The following TMEM181 variants were observed in gnomAD, a reference collection of about 807,000 sequenced individuals.
The protein encoded by TMEM181 is G protein-coupled receptor 178.
TMEM181 carries 39 observed loss-of-function variants against 71.9 expected under a neutral mutation model. The ratio of observed to expected loss-of-function variants is 0.54; its 90% CI spans 0.42 to 0.71. TMEM181 has a LOEUF of 0.71. Ranked by LOEUF, TMEM181 falls within the 30% of genes least tolerant of loss-of-function variation. The pLI is 0.00. For missense variants in TMEM181, 595 were observed against 583.0 expected (o/e 1.02, Z -0.21); for synonymous variants, 245 against 228.8 (o/e 1.07, Z -0.64).
chr6:158,605,138 G>A (rs1291268396), intron 6 of TMEM181, 129 bp from the exon 7 acceptor site: 3 of 414,664 alleles, frequency 7.2e-6, no homozygotes, highest in Non-Finnish European at 8.6e-6. Context: ...AAAAGTGTGT[G>A]TGTGTGTGTG....
At chr6:158,625,430 T>G (rs1352805715) in intron 12 of TMEM181, among the ~76,000 whole-genome samples, 1 of 152,162 alleles carries the variant, frequency 6.6e-6, no homozygotes, top group South Asian at 2.1e-4. Flanking sequence ...CCTGCGGGAC[T>G]GTACCCTGCA....
intron 1 of TMEM181, among the ~76,000 whole-genome samples, chr6:158,569,613 T>A (rs1258577819): frequency 2.0e-5 from 3 of 150,490 alleles, no homozygotes; most frequent in East Asian, 2.0e-4. Flanking sequence ...TTTTTTTTTT[T>A]AAATTGAGAC....
In TMEM181 at chr6:158,625,748, T is replaced by G. The variant is rs1786238774; in HGVS notation, c.1103T>G (p.Val368Gly). The G allele has an allele frequency of 3.1e-6, 5 of 1,610,286 alleles. No individual in the cohort carries two copies. In the African/African-American group the frequency reaches 5.4e-5, roughly 17 times the overall value. The change falls in exon 13 of 17, where the codon GTC becomes GGC. Residue 368 changes from valine (V) to glycine (G), a missense_variant. Coordinates refer to ENST00000684151, the MANE Select transcript of TMEM181 (RefSeq NM_001376852.1). ...ACTGCATTGACTTTCGTAGTACTTG[T>G]CATTAGGTAAGAAGACCTTATTTCT... Reference protein sequence around the residue: ...FLTALTFVVLVISIAILYLRF... With the variant: ...FLTALTFVVLGISIAILYLRF...
chr6:158,622,134 C>G (rs2128326803), intron 10 of TMEM181, among the ~76,000 whole-genome samples: 1 of 152,342 alleles, frequency 6.6e-6, no homozygotes, highest in Non-Finnish European at 1.5e-5. Flanking sequence ...CCACTCTGAC[C>G]TCCCCAGCGC....
At chr6:158,618,859 G>A (rs917849514) in intron 10 of TMEM181, among the ~76,000 whole-genome samples, 1 of 152,328 alleles carries the variant, frequency 6.6e-6, no homozygotes, top group African/African-American at 2.4e-5. Flanking sequence ...TGAGAGATCA[G>A]CTATTATTCT....
At chr6:158,557,236 T>A (rs999966954), upstream of TMEM181, among the ~76,000 whole-genome samples, 2 of 152,110 alleles carry the variant, frequency 1.3e-5, no homozygotes, top group Non-Finnish European at 2.9e-5. Flanking sequence ...TAGCTGGTTG[T>A]GTTAGTGCAC....
upstream of TMEM181, among the ~76,000 whole-genome samples, chr6:158,556,968 G>A (rs1461925464): frequency 6.6e-6 from 1 of 152,092 alleles, no homozygotes; most frequent in South Asian, 2.1e-4. Flanking sequence ...TCAAACTCCT[G>A]AGCTCAAGTG....
chr6:158,608,012 C>T (rs761946012), intron 8 of TMEM181, among the ~76,000 whole-genome samples: 1 of 152,244 alleles, frequency 6.6e-6, no homozygotes, highest in African/African-American at 2.4e-5. Context: ...TGGCATACGG[C>T]GCTCTGTCGT....
intron 6 of TMEM181, among the ~76,000 whole-genome samples, chr6:158,591,019 C>T (rs1165079666): frequency 2.6e-5 from 4 of 152,184 alleles, no homozygotes; most frequent in Non-Finnish European, 4.4e-5. Context: ...TCCAGGTTGT[C>T]GCGGGATCAG....
At position 158,607,296 on chromosome 6, in the gene TMEM181, A is replaced by C. The variant is rs777672830; in HGVS notation, c.626A>C (p.Glu209Ala). ...TTTTCCATGAGAGACTGGGGCATCG[A>C]GCAGAAGTGGATGTCTGTTCTCCTG... ...RKFSMRDWGI[E>A]QKWMSVLLPL... The change falls in exon 8 of 17, where the codon GAG (glutamate) becomes GCG (alanine). Residue 209 changes from glutamate to alanine, a missense_variant. Coordinates refer to ENST00000684151, the MANE Select transcript of TMEM181 (RefSeq NM_001376852.1). 6.2e-7 allele frequency: 1 copy of C among 1,614,184 alleles called. No homozygotes were observed. The highest frequency in any genetic ancestry group is 2.2e-5 in the East Asian group (1 of 44,884).
At chr6:158,584,229 C>T (rs1025382172) in intron 4 of TMEM181, among the ~76,000 whole-genome samples, 185 bp downstream of exon 4, 3 of 152,194 alleles carry the variant, frequency 2.0e-5, no homozygotes, top group South Asian at 2.1e-4. Flanking sequence ...GAGAAAGTTG[C>T]GATAGATAGA....
At chr6:158,594,284 A>G (rs1225326776) in intron 6 of TMEM181, among the ~76,000 whole-genome samples, 1 of 151,714 alleles carries the variant, frequency 6.6e-6, no homozygotes, top group African/African-American at 2.4e-5. Context: ...TTTTTAGTAG[A>G]GACGGGGTTT....
At chr6:158,581,415 A>T (rs1319456536) in intron 3 of TMEM181, among the ~76,000 whole-genome samples, 1 of 152,168 alleles carries the variant, frequency 6.6e-6, no homozygotes, top group Non-Finnish European at 1.5e-5. Flanking sequence ...ATTACTTTGT[A>T]TTCCTTGTGT....
At chr6:158,566,792 C>T (rs971313025) in intron 1 of TMEM181, among the ~76,000 whole-genome samples, 5 of 151,838 alleles carry the variant, frequency 3.3e-5, no homozygotes, top group East Asian at 3.9e-4. Context: ...GAGAGACCGA[C>T]GGAAGTTTTC....
At chr6:158,570,469 C>T (rs1005221912) in intron 1 of TMEM181, among the ~76,000 whole-genome samples, 3 of 151,970 alleles carry the variant, frequency 2.0e-5, no homozygotes, top group African/African-American at 7.3e-5. Context: ...TCTCGATCTC[C>T]TGACCTCGTG....
chr6:158,587,723 C>T (rs1376686441), intron 5 of TMEM181, among the ~76,000 whole-genome samples: 2 of 151,766 alleles, frequency 1.3e-5, no homozygotes, highest in Non-Finnish European at 2.9e-5. Flanking sequence ...AGCTGAGGTA[C>T]CATCACGTGA....
At position 158,623,469 on chromosome 6, in the gene TMEM181, CAAA is replaced by C. The variant is rs1032653458; in HGVS notation, c.897-78_897-76del. On this transcript the variant is annotated intron_variant, in intron 10 of 16. Transcript: ENST00000684151. ...AGTTTATATTAATAAGTAAAAAAAA[CAAA>C]AAGTCAATAAGAAAAAATGTAAAAT... 69 of 1,018,826 alleles carry C rather than the reference CAAA, an allele frequency of 6.8e-5. No individual in the cohort carries two copies. In the South Asian group the frequency reaches 1.3e-3, roughly 19 times the overall value. 63.1% of individuals were successfully genotyped at this position (1,018,826 alleles called of 1,614,324 possible). A position where few individuals can be genotyped will look rare whatever the true frequency, so the allele number is the denominator to read the frequency against.
rs1786807403 is a variant in TMEM181 at position 158,634,075 on chromosome 6, C to T, written c.*2187C>T. On this transcript the variant is annotated 3_prime_UTR_variant, in exon 17 of 17. Coordinates refer to ENST00000684151, the MANE Select transcript of TMEM181 (RefSeq NM_001376852.1). ...ATTATAAACTGATGACTATTATCTTCATACATTGAGTCTTCATGCATCAAT... is the reference window on the plus strand; with the variant it reads ...ATTATAAACTGATGACTATTATCTTTATACATTGAGTCTTCATGCATCAAT... 1 of 152,160 alleles carries T rather than the reference C, an allele frequency of 6.6e-6. No individual in the cohort carries two copies. 9.4% of individuals were successfully genotyped at this position (152,160 alleles called of 1,614,324 possible).
chr6:158,559,921 G>A (rs996710495), upstream of TMEM181, among the ~76,000 whole-genome samples: 2 of 152,222 alleles, frequency 1.3e-5, no homozygotes, highest in Non-Finnish European at 2.9e-5. Context: ...TTGAGCCCCA[G>A]CTCAGGGCTA....
Sources: gnomAD v4.1 joint callset for allele counts (sites outside exome capture counted in the v4.1 genomes callset) on GRCh38, gnomAD v4.1.1 for gene constraint, MANE v1.5 for transcripts, NCBI Gene and HGNC (gene_info 2026-07-23, HGNC 2026-07-21) for gene names.